Variants in ARRB1 observed in about 807,000 individuals in gnomAD.
ARRB1 encodes the protein beta-arrestin-1.
In ARRB1, 21 loss-of-function variants were observed where a neutral mutation model predicts 56.8. The observed-to-expected ratio is 0.37, with a 90% confidence interval of 0.26 to 0.53. The LOEUF is 0.53. ARRB1 is among the 20% of genes least tolerant of loss of function. ARRB1 has a pLI of 0.88. For missense variants in ARRB1, 424 were observed against 553.7 expected (o/e 0.77, Z 2.35); for synonymous variants, 210 against 218.6 (o/e 0.96, Z 0.35).
At chr11:75,314,630 A>C (rs1176829557) in intron 1 of ARRB1, among the ~76,000 whole-genome samples, 1 of 151,918 alleles carries the variant, frequency 6.6e-6, no homozygotes, top group African/African-American at 2.4e-5. Context: ...CTTTGAAAAA[A>C]AACTTTGTTG....
chr11:75,306,404 T>C (rs1221932749), intron 1 of ARRB1: 2 of 453,016 alleles, frequency 4.4e-6, no homozygotes, highest in Non-Finnish European at 8.6e-6. Flanking sequence ...CCCGCACTGT[T>C]CCTCCCTGTG....
chr11:75,334,349 C>A (rs1025096082), intron 1 of ARRB1, among the ~76,000 whole-genome samples: 3 of 151,090 alleles, frequency 2.0e-5, no homozygotes, highest in Non-Finnish European at 4.4e-5. Flanking sequence ...GTTACAACAG[C>A]CCCTTCCCAG....
intron 1 of ARRB1, among the ~76,000 whole-genome samples, chr11:75,291,731 G>A (rs534999897): frequency 6.6e-6 from 1 of 152,286 alleles, no homozygotes; most frequent in South Asian, 2.1e-4. Flanking sequence ...GGAAGAGAGG[G>A]GAGGATAGGG....
At chr11:75,345,511 A>C (rs978809758) in intron 1 of ARRB1, among the ~76,000 whole-genome samples, 2 of 152,114 alleles carry the variant, frequency 1.3e-5, no homozygotes, top group African/African-American at 4.8e-5. Flanking sequence ...TTCTAATCCC[A>C]GGGCTCACAT....
At position 75,274,094 on chromosome 11, in the gene ARRB1, C is replaced by T. The variant is rs550924381; in HGVS notation, c.894G>A (p.Thr298=). Residue 298 remains threonine (T), a synonymous_variant, in exon 11 of 16, where the codon ACG becomes ACA. Transcript: ENST00000420843. ...ALDGKLKHED[T]NLASSTLLRE... is the part of the protein sequence containing the mutation. Reference sequence around the variant, plus strand: ...CTCACAGGGTGCTAGAGGCCAAGTTCGTGTCTTCGTGCTTGAGCTTCCCGT... The same window carrying T: ...CTCACAGGGTGCTAGAGGCCAAGTTTGTGTCTTCGTGCTTGAGCTTCCCGT... 10 of 1,614,164 alleles carry T rather than the reference C, an allele frequency of 6.2e-6. No individual in the cohort carries two copies. The highest frequency in any genetic ancestry group is 5.0e-5 in the Admixed American group (3 of 60,026).
intron 1 of ARRB1, among the ~76,000 whole-genome samples, chr11:75,330,553 T>C (rs1947505874): frequency 6.6e-6 from 1 of 152,248 alleles, no homozygotes; most frequent in Non-Finnish European, 1.5e-5. Flanking sequence ...TAATAAACTC[T>C]GCCGAAGAAA....
chr11:75,311,579 C>T (rs1947159964), intron 1 of ARRB1, among the ~76,000 whole-genome samples: 1 of 152,218 alleles, frequency 6.6e-6, no homozygotes, highest in Admixed American at 6.5e-5. Context: ...TTTCAAAAAT[C>T]AGTTCAAAAT....
At chr11:75,294,558 AAAATAAATAAATAAATAAATAAATAAAT>A (rs201799600) in intron 1 of ARRB1, among the ~76,000 whole-genome samples, 5 of 133,108 alleles carry the variant, frequency 3.8e-5, no homozygotes, top group African/African-American at 1.1e-4. Flanking sequence ...CTCCGTCTCA[AAAATAAATAAATAAATAAATAAATAAAT>A]AAATAAATAA....
intron 4 of ARRB1, among the ~76,000 whole-genome samples, chr11:75,283,700 G>A (rs922926619): frequency 1.3e-5 from 2 of 152,186 alleles, no homozygotes; most frequent in Non-Finnish European, 2.9e-5. Flanking sequence ...GCTGCCTGCT[G>A]AGCCAGCTCT....
At chr11:75,345,847 G>A (rs1194104818) in intron 1 of ARRB1, among the ~76,000 whole-genome samples, 2 of 152,136 alleles carry the variant, frequency 1.3e-5, no homozygotes, top group African/African-American at 4.8e-5. Context: ...TGGACCGATA[G>A]CAGAGGCAAG....
At chr11:75,349,653 GGAA>G (rs1485915718) in intron 1 of ARRB1, among the ~76,000 whole-genome samples, 1 of 152,244 alleles carries the variant, frequency 6.6e-6, no homozygotes, top group Non-Finnish European at 1.5e-5. Flanking sequence ...ATGCCCTGCA[GGAA>G]GAAAAGCCTG....
intron 1 of ARRB1, 68 bp from the exon 2 acceptor site, chr11:75,290,107 A>G: frequency 1.2e-6 from 2 of 1,601,066 alleles, no homozygotes; most frequent in Non-Finnish European, 1.7e-6. Flanking sequence ...CCTGCGGGCC[A>G]CCTTGAGGCA....
intron 15 of ARRB1, among the ~76,000 whole-genome samples, chr11:75,267,335 G>C (rs934136840): frequency 2.6e-5 from 4 of 152,140 alleles, no homozygotes; most frequent in African/African-American, 7.2e-5. Flanking sequence ...CAGGAGAGCC[G>C]AGCCCAGGGC....
chr11:75,260,862 G>A lies in ARRB1; in HGVS notation c.*5301C>T, dbSNP rs1761114379. 6.6e-6 allele frequency: 1 copy of A among 152,144 alleles called. No homozygotes were observed. The highest frequency in any genetic ancestry group is 6.5e-5 in the Admixed American group (1 of 15,280). The allele number at this position is 152,144 out of a possible 1,614,324, so 9.4% of individuals were successfully genotyped here. A position where few individuals can be genotyped will look rare whatever the true frequency, so the allele number is the denominator to read the frequency against. On this transcript the variant is annotated 3_prime_UTR_variant, in exon 16 of 16. Coordinates refer to ENST00000420843, the MANE Select transcript of ARRB1 (RefSeq NM_004041.5). ...ACTTTTGTCATAAAATCCTCCCTGAGTCTGTCTTTTATGTGAGCCAAGATT... is the reference window on the plus strand; with the variant it reads ...ACTTTTGTCATAAAATCCTCCCTGAATCTGTCTTTTATGTGAGCCAAGATT...
chr11:75,317,056 G>A (rs1947277723), intron 1 of ARRB1, among the ~76,000 whole-genome samples: 1 of 152,142 alleles, frequency 6.6e-6, no homozygotes, highest in East Asian at 1.9e-4. Context: ...GCAACAGAGC[G>A]AGACTCCGTC....
In ARRB1 at chr11:75,281,082, G is replaced by A; in HGVS notation, c.475C>T (p.His159Tyr). Residue 159 changes from histidine (H) to tyrosine (Y), a missense_variant, in exon 7 of 16, where the codon CAC becomes TAC. Physicochemically the swap from His to Tyr is moderately conservative, Grantham distance 83 (BLOSUM62 2). This residue lies in a region of ARRB1 where 301 missense variants were observed against 387.9 expected (regional missense o/e 0.78). Transcript: ENST00000420843. ...CCCTGGCATCCTACTCACCGCTTGT[G>A]GATCTTCTCCTCCAAATTCTCCGCG... is the stretch of plus-strand genomic sequence containing the variant. Reference protein sequence around the residue: ...FCAENLEEKIHKRNSVRLVIR... With the variant: ...FCAENLEEKIYKRNSVRLVIR... 6.2e-7 allele frequency: 1 copy of A among 1,602,328 alleles called. No homozygotes were observed. The highest frequency in any genetic ancestry group is 8.5e-7 in the Non-Finnish European group (1 of 1,174,060).
In ARRB1 at chr11:75,261,908, G is replaced by A. The variant is rs949132436; in HGVS notation, c.*4255C>T. ...TATGTCCATGAGACCCTATAAGAGT[G>A]TAAGACTGGGACCTAACCCCTTCCT... is the stretch of plus-strand genomic sequence containing the variant. On this transcript the variant is annotated 3_prime_UTR_variant, in exon 16 of 16. Transcript: ENST00000420843. The A allele has an allele frequency of 6.6e-6, 1 of 152,224 alleles. No individual in the cohort carries two copies. Among genetic ancestry groups the A allele is most frequent in the African/African-American group, 2.4e-5 (1 of 41,458 alleles). The allele number at this position is 152,224 out of a possible 1,614,324, so 9.4% of individuals were successfully genotyped here.
chr11:75,349,060 T>C (rs897151186), intron 1 of ARRB1, among the ~76,000 whole-genome samples: 3 of 152,220 alleles, frequency 2.0e-5, no homozygotes, highest in Non-Finnish European at 4.4e-5. Context: ...AGATTCCTCT[T>C]CTAAGTCATA....
At chr11:75,332,058 A>T (rs963146855) in intron 1 of ARRB1, among the ~76,000 whole-genome samples, 1 of 150,090 alleles carries the variant, frequency 6.7e-6, no homozygotes, top group Non-Finnish European at 1.5e-5. Context: ...CCCTACCCGC[A>T]AGAGAACAAC....
Sources: gnomAD v4.1 joint callset for allele counts (sites outside exome capture counted in the v4.1 genomes callset) on GRCh38, gnomAD v4.1.1 for gene constraint, gnomAD v4.1.1 regional missense constraint, MANE v1.5 for transcripts, NCBI Gene and HGNC (gene_info 2026-07-23, HGNC 2026-07-21) for gene names.